KCNH7: variants seen among roughly 807,000 people sequenced by gnomAD.
The protein encoded by KCNH7 is voltage-gated inwardly rectifying potassium channel KCNH7.
A neutral mutation model predicts 120.8 loss-of-function variants in KCNH7; 49 were observed. The observed-to-expected ratio is 0.41, with a 90% CI of 0.32 to 0.51. KCNH7 has a LOEUF of 0.51. Ranked by LOEUF, KCNH7 falls within the 20% of genes least tolerant of loss-of-function variation. The pLI is 0.38. For synonymous variants in KCNH7, 547 were observed against 516.1 expected, an observed-to-expected ratio of 1.06 and a Z score of -0.81; for missense variants, 1,097 against 1,446.6, an observed-to-expected ratio of 0.76 and a Z score of 3.92.
intron 2 of KCNH7, among the ~76,000 whole-genome samples, chr2:162,751,893 A>G (rs989625527): frequency 5.3e-5 from 8 of 151,976 alleles, no homozygotes; most frequent in Admixed American, 1.3e-4. Context: ...AAAAGAATAT[A>G]CCCCTATAAC....
At chr2:162,806,618 G>A (rs1684546951) in intron 2 of KCNH7, among the ~76,000 whole-genome samples, 2 of 152,192 alleles carry the variant, frequency 1.3e-5, no homozygotes, top group African/African-American at 4.8e-5. Context: ...TTGTGCTTTA[G>A]GGTATTCTCT....
intron 2 of KCNH7, among the ~76,000 whole-genome samples, chr2:162,637,260 T>C (rs1035249672): frequency 2.0e-5 from 3 of 152,094 alleles, no homozygotes; most frequent in African/African-American, 7.2e-5. Context: ...CTATGTGACC[T>C]GTTCTTCTTT....
intron 12 of KCNH7, among the ~76,000 whole-genome samples, chr2:162,390,249 T>TAC (rs1686704003): frequency 6.6e-6 from 1 of 150,594 alleles, no homozygotes; most frequent in African/African-American, 2.5e-5. Flanking sequence ...GCATTATATA[T>TAC]ATATACACAC....
intron 2 of KCNH7, among the ~76,000 whole-genome samples, chr2:162,729,844 G>GTTT: frequency 6.6e-6 from 1 of 151,944 alleles, no homozygotes; most frequent in South Asian, 2.1e-4. Context: ...CTATTGGTTG[G>GTTT]TTTTCATGCT....
intron 8 of KCNH7, among the ~76,000 whole-genome samples, chr2:162,425,847 TAAAC>T (rs1264273275): frequency 1.3e-5 from 2 of 152,150 alleles, no homozygotes; most frequent in African/African-American, 2.4e-5. Context: ...GTTTAGGTCA[TAAAC>T]AAGCATTTCC....
At chr2:162,588,152 C>A (rs1694081883) in intron 2 of KCNH7, among the ~76,000 whole-genome samples, 1 of 151,940 alleles carries the variant, frequency 6.6e-6, no homozygotes, top group Non-Finnish European at 1.5e-5. Flanking sequence ...AGAAAAGAGG[C>A]AAGGACAATG....
At chr2:162,552,574 T>C (rs1478583514) in intron 2 of KCNH7, among the ~76,000 whole-genome samples, 1 of 152,192 alleles carries the variant, frequency 6.6e-6, no homozygotes, top group Non-Finnish European at 1.5e-5. Flanking sequence ...CCACAATTAG[T>C]TTATGTTATA....
chr2:162,564,250 G>A (rs1295250059), intron 2 of KCNH7, among the ~76,000 whole-genome samples: 1 of 150,470 alleles, frequency 6.6e-6, no homozygotes, highest in African/African-American at 2.5e-5. Context: ...GGATAGCACG[G>A]TTAGGACCTG....
At chr2:162,436,734 T>C (rs947783554) in intron 7 of KCNH7, among the ~76,000 whole-genome samples, 1 of 152,116 alleles carries the variant, frequency 6.6e-6, no homozygotes, top group African/African-American at 2.4e-5. Context: ...ATGGAAGAAA[T>C]AGCACATGGA....
chr2:162,826,928 G>A (rs1685306893), intron 2 of KCNH7, among the ~76,000 whole-genome samples: 1 of 152,090 alleles, frequency 6.6e-6, no homozygotes, highest in Admixed American at 6.6e-5. Flanking sequence ...GAAATGAGCT[G>A]AGATTGAAGC....
chr2:162,676,983 G>C lies in KCNH7; in HGVS notation c.308-139903C>G, dbSNP rs541461356. On this transcript the variant is annotated intron_variant, in intron 2 of 15. Transcript: ENST00000332142. ...TTTTTTAAGGAATTAGTTTAAATTA[G>C]TTAAAATAATAATAAATTAGTTTAT... Among the ~76,000 whole-genome samples, 81 of 151,486 alleles carry C rather than the reference G, an allele frequency of 5.3e-4. 2 individuals are homozygous for C. In the South Asian group the frequency reaches 0.016, roughly 30 times the overall value.
At chr2:162,512,755 A>AT in intron 4 of KCNH7, 81 bp from the exon 5 acceptor site, 1 of 1,050,278 alleles carries the variant, frequency 9.5e-7, no homozygotes, top group Non-Finnish European at 1.4e-6. Flanking sequence ...AATTACCTGT[A>AT]TAAAAACAAT....
At chr2:162,581,195 T>G (rs1050384117) in intron 2 of KCNH7, among the ~76,000 whole-genome samples, 1 of 152,070 alleles carries the variant, frequency 6.6e-6, no homozygotes. Flanking sequence ...TGATTTCAAA[T>G]AATAGTGGTT....
At chr2:162,649,525 A>G (rs1684493071) in intron 2 of KCNH7, among the ~76,000 whole-genome samples, 1 of 152,196 alleles carries the variant, frequency 6.6e-6, no homozygotes, top group Non-Finnish European at 1.5e-5. Flanking sequence ...GTATAATAGT[A>G]CAGCATGTGT....
chr2:162,385,027 T>G, intron 12 of KCNH7, 88 bp from the exon 13 acceptor site: 1 of 1,010,006 alleles, frequency 9.9e-7, no homozygotes, highest in Non-Finnish European at 1.4e-6. Flanking sequence ...TAGCTATATA[T>G]ATAAACTAGC....
intron 2 of KCNH7, among the ~76,000 whole-genome samples, chr2:162,592,799 T>C (rs1330946429): frequency 1.3e-5 from 2 of 152,116 alleles, no homozygotes; most frequent in Non-Finnish European, 2.9e-5. Context: ...TTAGTTTCTG[T>C]TGAGCTGGCC....
At chr2:162,637,042 C>T (rs528207328) in intron 2 of KCNH7, among the ~76,000 whole-genome samples, 1 of 152,186 alleles carries the variant, frequency 6.6e-6, no homozygotes, top group Non-Finnish European at 1.5e-5. Flanking sequence ...CAAGAAAATT[C>T]AATATTGGAT....
At chr2:162,805,660 T>C (rs1469587661) in intron 2 of KCNH7, among the ~76,000 whole-genome samples, 3 of 152,176 alleles carry the variant, frequency 2.0e-5, no homozygotes, top group Non-Finnish European at 4.4e-5. Context: ...ATAACCTCTA[T>C]GGAAAACAGT....
chr2:162,678,657 C>T (rs1004602347), intron 2 of KCNH7, among the ~76,000 whole-genome samples: 1 of 151,376 alleles, frequency 6.6e-6, no homozygotes, highest in African/African-American at 2.4e-5. Context: ...CTTTAGAGTC[C>T]ATGAGAGTAA....
Sources: allele counts gnomAD v4.1 joint callset (sites outside exome capture counted in the v4.1 genomes callset), GRCh38; gene constraint gnomAD v4.1.1; transcripts MANE v1.5; gene names NCBI Gene and HGNC (gene_info 2026-07-23, HGNC 2026-07-21).